The following KAT6A variants were observed in gnomAD, a reference collection of about 807,000 sequenced individuals.
KAT6A encodes the protein histone acetyltransferase KAT6A.
A neutral mutation model predicts 198.4 loss-of-function variants in KAT6A; 9 were observed. The ratio of observed to expected loss-of-function variants is 0.05; its 90% CI spans 0.03 to 0.08. The LOEUF (loss-of-function observed/expected upper bound fraction) is 0.08, where lower values mean the gene tolerates loss of function less well. Among genes scored for constraint, KAT6A ranks in the 10% least tolerant of loss-of-function variants. KAT6A has a pLI of 1.00. For synonymous variants in KAT6A, 890 were observed against 883.0 expected (o/e 1.01, Z -0.14); for missense variants, 2,077 against 2,509.9 (o/e 0.83, Z 3.69).
intron 2 of KAT6A, among the ~76,000 whole-genome samples, chr8:42,013,463 G>A (rs1250092054): frequency 6.6e-6 from 1 of 152,088 alleles, no homozygotes; most frequent in Non-Finnish European, 1.5e-5. Context: ...TCCATCTCTT[G>A]ACCTCATGAT....
intron 8 of KAT6A, among the ~76,000 whole-genome samples, chr8:41,956,563 A>G (rs1030830344): frequency 1.3e-5 from 2 of 152,242 alleles, no homozygotes; most frequent in Non-Finnish European, 2.9e-5. Context: ...CCTCTTCACC[A>G]TAACTCATTA....
At chr8:42,005,857 C>T (rs932814844) in intron 2 of KAT6A, among the ~76,000 whole-genome samples, 1 of 151,798 alleles carries the variant, frequency 6.6e-6, no homozygotes, top group Admixed American at 6.6e-5. Flanking sequence ...GAAAAGGGAA[C>T]TGCCTTTGAA....
At chr8:41,974,917 A>C (rs1823973626) in intron 7 of KAT6A, 95 bp from the exon 8 acceptor site, 2 of 679,782 alleles carry the variant, frequency 2.9e-6, no homozygotes, top group Admixed American at 5.2e-5. Flanking sequence ...TGAAGAACTT[A>C]ATATATAACG....
chr8:42,005,804 T>TCA (rs1470127398), intron 2 of KAT6A, among the ~76,000 whole-genome samples: 2 of 140,594 alleles, frequency 1.4e-5, no homozygotes, highest in Non-Finnish European at 3.1e-5. Flanking sequence ...ACACACTCAC[T>TCA]CTCTTTCTCC....
At chr8:42,039,636 G>A (rs917460450) in intron 2 of KAT6A, among the ~76,000 whole-genome samples, 1 of 152,110 alleles carries the variant, frequency 6.6e-6, no homozygotes, top group African/African-American at 2.4e-5. Context: ...AAAACAGGCA[G>A]CAAGGGTAAA....
intron 1 of KAT6A, among the ~76,000 whole-genome samples, chr8:42,051,635 G>A (rs1191394392): frequency 1.4e-5 from 2 of 145,332 alleles, no homozygotes; most frequent in Non-Finnish European, 3.1e-5. Flanking sequence ...CCGCGAGCGC[G>A]GGGCCGGGCG....
intron 1 of KAT6A, among the ~76,000 whole-genome samples, chr8:42,051,424 C>T (rs936150651): frequency 1.6e-4 from 24 of 150,776 alleles, no homozygotes; most frequent in Non-Finnish European, 3.1e-4. Context: ...GAGCCCGAAC[C>T]CGAGCGCCCG....
At chr8:41,998,216 C>T (rs1825317152) in intron 2 of KAT6A, among the ~76,000 whole-genome samples, 1 of 152,036 alleles carries the variant, frequency 6.6e-6, no homozygotes, top group Non-Finnish European at 1.5e-5. Context: ...AATTAGAAAC[C>T]AATTAAGTAC....
rs1470554169 is a variant in KAT6A at position 41,932,042 on chromosome 8, GAGA to G, written c.*160_*162del. The G allele has an allele frequency of 2.6e-5, 17 of 664,182 alleles. No homozygotes were observed. The highest frequency in any genetic ancestry group is 6.3e-5 in the South Asian group (1 of 15,856). The allele number at this position is 664,182 out of a possible 1,614,324, so 41.1% of individuals were successfully genotyped here. On this transcript the variant is annotated 3_prime_UTR_variant, in exon 17 of 17. Transcript: ENST00000265713. ...CCAGAACAAAATGAACCCAAAAAAA[GAGA>G]AGATCAGGTTTTCTAAAAAATAAAA...
At chr8:42,001,813 T>A (rs1178198396) in intron 2 of KAT6A, among the ~76,000 whole-genome samples, 1 of 152,216 alleles carries the variant, frequency 6.6e-6, no homozygotes, top group South Asian at 2.1e-4. Flanking sequence ...GTCAGCTATA[T>A]CTAGGCTGCA....
chr8:41,994,661 A>T (rs1825105543), intron 2 of KAT6A, among the ~76,000 whole-genome samples: 1 of 152,090 alleles, frequency 6.6e-6, no homozygotes, highest in African/African-American at 2.4e-5. Flanking sequence ...TTCACTAATT[A>T]ACATGTGTGT....
At chr8:41,955,782 T>C (rs1822891090) in intron 8 of KAT6A, among the ~76,000 whole-genome samples, 1 of 152,174 alleles carries the variant, frequency 6.6e-6, no homozygotes. Context: ...AGGGGGACAC[T>C]GCATATTTGC....
chr8:42,016,843 T>C (rs936635441), intron 2 of KAT6A, among the ~76,000 whole-genome samples: 4 of 152,104 alleles, frequency 2.6e-5, no homozygotes, highest in African/African-American at 9.7e-5. Context: ...AACACAGTTT[T>C]TCAAAATATA....
intron 2 of KAT6A, among the ~76,000 whole-genome samples, chr8:42,037,538 C>G (rs1432472761): frequency 6.6e-6 from 1 of 152,160 alleles, no homozygotes; most frequent in Non-Finnish European, 1.5e-5. Context: ...CAACACTTAG[C>G]AGCTCTTCAG....
chr8:41,978,529 A>G, intron 6 of KAT6A, 113 bp downstream of exon 6: 1 of 1,050,306 alleles, frequency 9.5e-7, no homozygotes, highest in Non-Finnish European at 1.4e-6. Flanking sequence ...ATTATTATAT[A>G]AAAGTGCCAG....
In KAT6A at chr8:41,932,029, G is replaced by T; in HGVS notation, c.*176C>A. 1.7e-6 allele frequency: 1 copy of T among 584,796 alleles called. No individual in the cohort carries two copies. The highest frequency in any genetic ancestry group is 2.5e-6 in the Non-Finnish European group (1 of 392,358). The allele number at this position is 584,796 out of a possible 1,614,324, so 36.2% of individuals were successfully genotyped here. On this transcript the variant is annotated 3_prime_UTR_variant, in exon 17 of 17. Coordinates refer to ENST00000265713, the MANE Select transcript of KAT6A (RefSeq NM_006766.5). ...AGAAAACCAAAACCCAGAACAAAATGAACCCAAAAAAAGAGAAGATCAGGT... is the reference window on the plus strand; with the variant it reads ...AGAAAACCAAAACCCAGAACAAAATTAACCCAAAAAAAGAGAAGATCAGGT...
intron 10 of KAT6A, 134 bp downstream of exon 10, chr8:41,949,088 T>A: frequency 1.9e-6 from 1 of 524,964 alleles, no homozygotes; most frequent in Non-Finnish European, 3.1e-6. Context: ...AATGAAGTTT[T>A]AAAAATTATA....
intron 2 of KAT6A, among the ~76,000 whole-genome samples, chr8:42,018,705 C>T (rs1826383306): frequency 6.6e-6 from 1 of 152,014 alleles, no homozygotes; most frequent in South Asian, 2.1e-4. Flanking sequence ...GATGGATCAC[C>T]TGAGGTCAGA....
Position 41,977,001 on chromosome 8 carries a change from C to A in KAT6A, c.1363+7G>T. 1 of 1,588,228 alleles carries A rather than the reference C, an allele frequency of 6.3e-7. No homozygotes were observed. Among genetic ancestry groups the A allele is most frequent in the Non-Finnish European group, 8.6e-7 (1 of 1,166,444 alleles). ...TATTTGTTTCTAAGTCTGTTCTAAACTCTTACCTGTGGGCCAATCTGAAGT... is the reference window on the plus strand; with the variant it reads ...TATTTGTTTCTAAGTCTGTTCTAAAATCTTACCTGTGGGCCAATCTGAAGT... On this transcript the variant is annotated splice_region_variant and intron_variant, in intron 7 of 16. Transcript: ENST00000265713.
Sources: allele counts gnomAD v4.1 joint callset (sites outside exome capture counted in the v4.1 genomes callset), GRCh38; gene constraint gnomAD v4.1.1; transcripts MANE v1.5; gene names NCBI Gene and HGNC (gene_info 2026-07-23, HGNC 2026-07-21).